PRKCE: variants seen among roughly 807,000 people sequenced by gnomAD.
The protein encoded by PRKCE is protein kinase C epsilon.
A neutral mutation model predicts 85.4 loss-of-function variants in PRKCE; 16 were observed. The observed-to-expected ratio is 0.19, with a 90% CI of 0.13 to 0.28. The LOEUF is 0.28. Ranked by LOEUF, PRKCE falls within the 10% of genes least tolerant of loss-of-function variation. PRKCE has a pLI of 1.00. For synonymous variants in PRKCE, 388 were observed against 371.5 expected, an observed-to-expected ratio of 1.04 and a Z score of -0.51; for missense variants, 573 against 975.2, an observed-to-expected ratio of 0.59 and a Z score of 5.49.
At chr2:45,858,239 G>T (rs1692837080) in intron 2 of PRKCE, among the ~76,000 whole-genome samples, 1 of 152,210 alleles carries the variant, frequency 6.6e-6, no homozygotes, top group Non-Finnish European at 1.5e-5. Context: ...ACCTGGCTCT[G>T]CCTGGAGAAG....
intron 2 of PRKCE, among the ~76,000 whole-genome samples, chr2:45,938,504 T>C (rs554956881): frequency 1.7e-4 from 26 of 152,334 alleles, no homozygotes; most frequent in African/African-American, 5.8e-4. Context: ...GTGTCTGTGA[T>C]TGACCTGTTG....
chr2:46,148,758 T>TAAC (rs1352614687), intron 12 of PRKCE, among the ~76,000 whole-genome samples: 3 of 152,164 alleles, frequency 2.0e-5, no homozygotes, highest in African/African-American at 7.2e-5. Flanking sequence ...AAAAAATAAC[T>TAAC]AACGACGTAG....
At chr2:45,866,542 C>T (rs1481610561) in intron 2 of PRKCE, among the ~76,000 whole-genome samples, 2 of 151,812 alleles carry the variant, frequency 1.3e-5, no homozygotes, top group African/African-American at 2.4e-5. Context: ...CTCCAGACCT[C>T]GTGATCCACC....
At chr2:46,180,356 G>A (rs546798333) in intron 14 of PRKCE, among the ~76,000 whole-genome samples, 3 of 152,192 alleles carry the variant, frequency 2.0e-5, no homozygotes, top group Non-Finnish European at 2.9e-5. Context: ...AGATGAACCT[G>A]GGGGATGAGG....
In PRKCE at chr2:45,657,174, C is replaced by T. The variant is rs146894991; in HGVS notation, c.348+4726C>T. ...GCCCTGCCTCTGAAGACATCTTTGG[C>T]GAATGTCACTCCCTTGCTGTATTCT... is the stretch of plus-strand genomic sequence containing the variant. On this transcript the variant is annotated intron_variant, in intron 1 of 14. Transcript: ENST00000306156. 7.2e-5 allele frequency among the ~76,000 whole-genome samples: 11 copies of T among 152,274 alleles called. No individual in the cohort carries two copies. The East Asian group carries it at 9.6e-4, about 13-fold the overall frequency.
At chr2:45,983,888 CT>C (rs1278949744) in intron 5 of PRKCE, among the ~76,000 whole-genome samples, 1 of 151,608 alleles carries the variant, frequency 6.6e-6, no homozygotes, top group Non-Finnish European at 1.5e-5. Context: ...TTCCTAGAGA[CT>C]TTTTGCCTAG....
intron 1 of PRKCE, among the ~76,000 whole-genome samples, chr2:45,686,751 G>A (rs1414706153): frequency 6.6e-6 from 1 of 152,098 alleles, no homozygotes; most frequent in Non-Finnish European, 1.5e-5. Flanking sequence ...AAGTAGTATA[G>A]AATTGATACT....
intron 1 of PRKCE, 143 bp from the exon 2 acceptor site, chr2:45,842,857 C>G (rs1207888388): frequency 2.6e-6 from 2 of 770,400 alleles, no homozygotes; most frequent in Non-Finnish European, 2.3e-6. Flanking sequence ...CTGCATCTCA[C>G]CTAGCACTCA....
chr2:45,985,179 C>G (rs900308020), intron 6 of PRKCE, among the ~76,000 whole-genome samples: 1 of 152,078 alleles, frequency 6.6e-6, no homozygotes, highest in Non-Finnish European at 1.5e-5. Context: ...TCCCATGGCC[C>G]TGGTGAGGAA....
chr2:45,896,623 C>T (rs527781083), intron 2 of PRKCE, among the ~76,000 whole-genome samples: 3 of 152,294 alleles, frequency 2.0e-5, no homozygotes, highest in Admixed American at 2.0e-4. Context: ...AGTCACTATA[C>T]CTCTTATCAA....
rs550414048 is a variant in PRKCE at position 46,023,040 on chromosome 2, G to A, written c.1437+12523G>A. 1.5e-4 allele frequency among the ~76,000 whole-genome samples: 20 copies of A among 135,552 alleles called. No homozygotes were observed. The East Asian group carries it at 3.0e-3, about 20-fold the overall frequency. The allele number at this position is 135,552 out of a possible 152,430, so 88.9% of individuals were successfully genotyped here. A position where few individuals can be genotyped will look rare whatever the true frequency, so the allele number is the denominator to read the frequency against. On this transcript the variant is annotated intron_variant, in intron 10 of 14. Transcript: ENST00000306156. ...GGAGCTTGCAGTGAGCCGAGATTGC[G>A]CCACTGCAGTCCGCAGTCCGTCCTG...
At chr2:45,809,059 C>T (rs1688464460) in intron 1 of PRKCE, among the ~76,000 whole-genome samples, 1 of 152,066 alleles carries the variant, frequency 6.6e-6, no homozygotes, top group Admixed American at 6.5e-5. Context: ...GGGTATGGGC[C>T]GGTGAGGAAG....
chr2:45,741,647 A>C (rs13401175), intron 1 of PRKCE, among the ~76,000 whole-genome samples: 11,652 of 138,168 alleles, frequency 0.084, 523 homozygotes, highest in African/African-American at 0.16. Context: ...GGCATGTGCA[A>C]GTTTTGGGCC....
intron 14 of PRKCE, among the ~76,000 whole-genome samples, chr2:46,169,092 C>T (rs1277135606): frequency 6.6e-6 from 1 of 152,162 alleles, no homozygotes; most frequent in Non-Finnish European, 1.5e-5. Flanking sequence ...GGGCACTTTG[C>T]AAGCTGACTG....
intron 10 of PRKCE, among the ~76,000 whole-genome samples, chr2:46,032,492 C>T (rs1049026643): frequency 2.0e-5 from 3 of 152,204 alleles, no homozygotes; most frequent in Non-Finnish European, 4.4e-5. Flanking sequence ...TCTTTACCCC[C>T]AGCCTTCCAA....
At chr2:45,658,289 A>G (rs960156557) in intron 1 of PRKCE, among the ~76,000 whole-genome samples, 14 of 152,188 alleles carry the variant, frequency 9.2e-5, no homozygotes, top group Admixed American at 8.5e-4. Context: ...CAACTACCCA[A>G]AGGATTCATT....
At chr2:45,759,396 G>A (rs73926060) in intron 1 of PRKCE, among the ~76,000 whole-genome samples, 91 of 152,290 alleles carry the variant, frequency 6.0e-4, no homozygotes, top group African/African-American at 2.0e-3. Context: ...AGATGGCTCC[G>A]ATTTATCCAT....
At chr2:45,740,495 C>T (rs1035015233) in intron 1 of PRKCE, among the ~76,000 whole-genome samples, 1 of 152,176 alleles carries the variant, frequency 6.6e-6, no homozygotes, top group African/African-American at 2.4e-5. Flanking sequence ...ACTCCTCTCC[C>T]TCCCCAACCA....
chr2:45,997,869 T>G lies in PRKCE; in HGVS notation c.824-3535T>G, dbSNP rs149009961. On this transcript the variant is annotated intron_variant, in intron 6 of 14. Transcript: ENST00000306156. ...GCCGGTAAGTTGTATTTTAATTAAT[T>G]CAAAATATTTTAAAACTTATCTTGA... is the stretch of plus-strand genomic sequence containing the variant. 1.7e-3 allele frequency among the ~76,000 whole-genome samples: 261 copies of G among 152,284 alleles called. 1 individual carries two copies. Among genetic ancestry groups the G allele is most frequent in the African/African-American group, 6.1e-3 (254 of 41,566 alleles).
Sources: gnomAD v4.1 joint callset for allele counts (sites outside exome capture counted in the v4.1 genomes callset) on GRCh38, gnomAD v4.1.1 for gene constraint, MANE v1.5 for transcripts, NCBI Gene and HGNC (gene_info 2026-07-23, HGNC 2026-07-21) for gene names.